ELOC: variants seen among roughly 807,000 people sequenced by gnomAD.
ELOC encodes elongin C.
For synonymous variants in ELOC, 40 were observed against 51.3 expected (o/e 0.78, Z 0.94); for missense variants, 38 against 139.0 (o/e 0.27, Z 3.65).
intron 2 of ELOC, among the ~76,000 whole-genome samples, chr8:73,957,885 T>C (rs984894398): frequency 4.6e-5 from 7 of 152,104 alleles, no homozygotes; most frequent in Non-Finnish European, 1.0e-4. Context: ...TTCAAGAGGT[T>C]CTCCTGCCTC....
intron 1 of ELOC, among the ~76,000 whole-genome samples, chr8:73,971,618 G>C (rs1437542141): frequency 1.3e-5 from 2 of 151,870 alleles, no homozygotes. Flanking sequence ...TCATGAAGTC[G>C]AGCATAGAAT....
Position 73,955,872 on chromosome 8 carries a change from A to G in ELOC, c.148+39T>C. ...ACTTAAAAACATCCATCAAACATTA[A>G]AAGTGAATATATGAAGAAAAAGACA... On this transcript the variant is annotated intron_variant, in intron 3 of 3. Transcript: ENST00000520242. The G allele has an allele frequency of 2.6e-6, 4 of 1,566,052 alleles. No homozygotes were observed. The South Asian group carries it at 3.5e-5, about 14-fold the overall frequency.
chr8:73,970,054 C>T (rs183249469), intron 1 of ELOC, among the ~76,000 whole-genome samples: 4 of 152,254 alleles, frequency 2.6e-5, no homozygotes, highest in Non-Finnish European at 4.4e-5. Context: ...CTTTGGGAGG[C>T]CAAGGCAGGA....
intron 1 of ELOC, among the ~76,000 whole-genome samples, chr8:73,967,474 T>TC (rs957504465): frequency 3.2e-4 from 48 of 150,866 alleles, no homozygotes; most frequent in Non-Finnish European, 6.8e-4. Context: ...TTTTCTTTTT[T>TC]TTTTTTTTTT....
At chr8:73,950,909 G>A (rs539887103) in intron 3 of ELOC, among the ~76,000 whole-genome samples, 1 of 152,320 alleles carries the variant, frequency 6.6e-6, no homozygotes, top group South Asian at 2.1e-4. Context: ...TTTTCCAAGT[G>A]AAATGGCACA....
At chr8:73,953,669 A>G (rs1253806966) in intron 3 of ELOC, among the ~76,000 whole-genome samples, 1 of 152,088 alleles carries the variant, frequency 6.6e-6, no homozygotes, top group Non-Finnish European at 1.5e-5. Context: ...TCAAAAAAAA[A>G]AAACCAAAAA....
chr8:73,967,921 G>A (rs968029393), intron 1 of ELOC, among the ~76,000 whole-genome samples: 3 of 152,170 alleles, frequency 2.0e-5, no homozygotes, highest in African/African-American at 7.2e-5. Flanking sequence ...GTTCTAGCAG[G>A]TTCTTAATCT....
intron 1 of ELOC, among the ~76,000 whole-genome samples, chr8:73,964,246 CAA>C (rs560289242): frequency 7.3e-5 from 6 of 82,010 alleles, no homozygotes; most frequent in Non-Finnish European, 1.1e-4. Context: ...TATAAATGGC[CAA>C]AAAAAAAAAA....
intron 2 of ELOC, 90 bp from the exon 3 acceptor site, chr8:73,956,144 T>A: frequency 1.6e-6 from 2 of 1,232,714 alleles, no homozygotes; most frequent in Non-Finnish European, 2.3e-6. Flanking sequence ...CTCACGCCTG[T>A]AATCCCAGCA....
At chr8:73,950,702 T>C (rs140798783) in intron 3 of ELOC, among the ~76,000 whole-genome samples, 1 of 152,330 alleles carries the variant, frequency 6.6e-6, no homozygotes, top group East Asian at 1.9e-4. Flanking sequence ...ACAAGAGTGC[T>C]ACCTACAAAT....
At chr8:73,957,924 G>A (rs1424007760) in intron 2 of ELOC, among the ~76,000 whole-genome samples, 5 of 151,296 alleles carry the variant, frequency 3.3e-5, no homozygotes, top group East Asian at 1.9e-4. Flanking sequence ...GATTACAGGC[G>A]CCCACCACCA....
chr8:73,962,579 A>AC lies in ELOC; in HGVS notation c.-50-2762_-50-2761insG, dbSNP rs540431294. Among the ~76,000 whole-genome samples, 416 of 151,788 alleles carry AC rather than the reference A, an allele frequency of 2.7e-3. 4 individuals are homozygous for AC. The highest frequency in any genetic ancestry group is 0.024 in the South Asian group (114 of 4,766). On this transcript the variant is annotated intron_variant, in intron 1 of 3. Transcript: ENST00000520242. Reference sequence around the variant, plus strand: ...ATACTCTTTTAAAAAACAAAACAAAAAAAAAAACAAAACAAATGCGAGAAA... The same window carrying AC: ...ATACTCTTTTAAAAAACAAAACAAAACAAAAAAACAAAACAAATGCGAGAAA...
chr8:73,953,648 G>C (rs1429438326), intron 3 of ELOC, among the ~76,000 whole-genome samples: 1 of 150,324 alleles, frequency 6.7e-6, no homozygotes, highest in Non-Finnish European at 1.5e-5. Context: ...CAACGAGAGT[G>C]AAACTCTGTC....
At chr8:73,969,741 A>G (rs985011785) in intron 1 of ELOC, 1 of 152,142 alleles carries the variant, frequency 6.6e-6, no homozygotes, top group African/African-American at 2.4e-5. Context: ...TTTCACATTT[A>G]TCACTTCCTG....
chr8:73,959,863 C>A, intron 1 of ELOC, 45 bp from the exon 2 acceptor site: 2 of 1,087,462 alleles, frequency 1.8e-6, no homozygotes, highest in South Asian at 1.9e-5. Flanking sequence ...TTGCAAGAGA[C>A]AAGTTTTCAT....
chr8:73,961,518 CTT>C (rs796160550), intron 1 of ELOC, among the ~76,000 whole-genome samples: 9 of 145,594 alleles, frequency 6.2e-5, no homozygotes, highest in South Asian at 2.1e-4. Context: ...ATCACTCTCT[CTT>C]TTTTTTTTTT....
chr8:73,966,523 T>G (rs1407847360), intron 1 of ELOC, among the ~76,000 whole-genome samples: 1 of 151,570 alleles, frequency 6.6e-6, no homozygotes, highest in Admixed American at 6.6e-5. Context: ...TCTTGCTCTG[T>G]CACCCAAGTT....
At chr8:73,951,045 T>TGGATTG (rs1399710327) in intron 3 of ELOC, among the ~76,000 whole-genome samples, 1 of 151,498 alleles carries the variant, frequency 6.6e-6, no homozygotes, top group African/African-American at 2.4e-5. Flanking sequence ...CCGAGGCAGG[T>TGGATTG]GGATTGCTTG....
At chr8:73,951,004 C>T (rs1211427775) in intron 3 of ELOC, among the ~76,000 whole-genome samples, 1 of 152,194 alleles carries the variant, frequency 6.6e-6, no homozygotes, top group Non-Finnish European at 1.5e-5. Flanking sequence ...GGCATGGTGG[C>T]TCATGCCTGT....
Sources: allele counts gnomAD v4.1 joint callset (sites outside exome capture counted in the v4.1 genomes callset), GRCh38; gene constraint gnomAD v4.1.1; transcripts MANE v1.5; gene names NCBI Gene and HGNC (gene_info 2026-07-23, HGNC 2026-07-21).